MAP3K5: variants seen among roughly 807,000 people sequenced by gnomAD.
MAP3K5 encodes ASK-1.
A neutral mutation model predicts 158.7 loss-of-function variants in MAP3K5; 56 were observed. The ratio of observed to expected loss-of-function variants is 0.35; its 90% CI spans 0.28 to 0.44. The LOEUF is 0.44. MAP3K5 is among the 20% of genes least tolerant of loss of function. The pLI is 1.00. For synonymous variants in MAP3K5, 579 were observed against 601.7 expected, an observed-to-expected ratio of 0.96 and a Z score of 0.55; for missense variants, 1,294 against 1,674.8, an observed-to-expected ratio of 0.77 and a Z score of 3.97.
At position 136,729,577 on chromosome 6, in the gene MAP3K5, T is replaced by G. The variant is rs117892767; in HGVS notation, c.449-8988A>C. Among the ~76,000 whole-genome samples, 325 of 152,308 alleles carry G rather than the reference T, an allele frequency of 2.1e-3. 6 individuals are homozygous for G. In the South Asian group the frequency reaches 0.032, roughly 15 times the overall value. On this transcript the variant is annotated intron_variant, in intron 1 of 29. Transcript: ENST00000359015. ...AACTCAACACCTCCTGATAAAGCTT[T>G]GAGTAATTTCTCATAGAAATGATAT...
intron 1 of MAP3K5, among the ~76,000 whole-genome samples, chr6:136,755,018 A>C: frequency 6.7e-6 from 1 of 149,130 alleles, no homozygotes. Context: ...GAGTCCATTT[A>C]CTCCTCTCTA....
At chr6:136,564,660 C>T (rs972650719) in intron 26 of MAP3K5, among the ~76,000 whole-genome samples, 1 of 152,108 alleles carries the variant, frequency 6.6e-6, no homozygotes, top group Non-Finnish European at 1.5e-5. Flanking sequence ...AGAGTTTAAC[C>T]TATGTTTGTC....
At chr6:136,622,793 C>T (rs1276093640) in intron 15 of MAP3K5, 55 bp downstream of exon 15, 12 of 1,565,164 alleles carry the variant, frequency 7.7e-6, no homozygotes, top group Admixed American at 1.8e-5. Context: ...TTCTAAAATA[C>T]TGTCAACAAC....
intron 18 of MAP3K5, 46 bp downstream of exon 18, chr6:136,611,236 A>T (rs760300798): frequency 8.3e-7 from 1 of 1,200,374 alleles, no homozygotes; most frequent in Admixed American, 1.7e-5. Flanking sequence ...CTCAGCAATT[A>T]TTTCTTTAAT....
chr6:136,565,256 C>T (rs1265671797), intron 26 of MAP3K5, among the ~76,000 whole-genome samples: 1 of 152,098 alleles, frequency 6.6e-6, no homozygotes, highest in Admixed American at 6.5e-5. Flanking sequence ...TTTAGCAGGG[C>T]AATATTTTGA....
intron 26 of MAP3K5, among the ~76,000 whole-genome samples, chr6:136,565,776 C>T (rs1774078929): frequency 6.6e-6 from 1 of 152,184 alleles, no homozygotes; most frequent in African/African-American, 2.4e-5. Flanking sequence ...ACTAAAGCAG[C>T]TGTCCTTTCT....
chr6:136,558,002 C>T (rs765350140), intron 29 of MAP3K5, among the ~76,000 whole-genome samples, 184 bp from the exon 30 acceptor site: 1 of 152,216 alleles, frequency 6.6e-6, no homozygotes, highest in African/African-American at 2.4e-5. Flanking sequence ...TCCCTTTTCA[C>T]TCCCACAAAC....
At chr6:136,719,001 C>T (rs1781642376) in intron 2 of MAP3K5, among the ~76,000 whole-genome samples, 1 of 151,952 alleles carries the variant, frequency 6.6e-6, no homozygotes, top group African/African-American at 2.4e-5. Context: ...CATGGCAAAA[C>T]CCCATCTCTA....
chr6:136,733,361 C>T (rs1412456466), intron 1 of MAP3K5, among the ~76,000 whole-genome samples: 3 of 152,166 alleles, frequency 2.0e-5, no homozygotes, highest in Non-Finnish European at 4.4e-5. Context: ...CAAATACTGT[C>T]ACTGGGTTGT....
intron 7 of MAP3K5, among the ~76,000 whole-genome samples, chr6:136,672,414 T>C (rs1356407550): frequency 6.6e-6 from 1 of 152,194 alleles, no homozygotes; most frequent in East Asian, 1.9e-4. Flanking sequence ...AGGCTTGGGC[T>C]TGGCATGGGC....
intron 25 of MAP3K5, among the ~76,000 whole-genome samples, chr6:136,573,519 T>A (rs373803897): frequency 6.6e-6 from 1 of 152,216 alleles, no homozygotes; most frequent in Middle Eastern, 3.2e-3. Flanking sequence ...AACACATACA[T>A]GTAGTAAGAG....
chr6:136,668,514 A>G (rs1779326474), intron 8 of MAP3K5, among the ~76,000 whole-genome samples: 3 of 152,198 alleles, frequency 2.0e-5, no homozygotes, highest in Non-Finnish European at 2.9e-5. Context: ...AATTCCTAAA[A>G]GAGTTGGAAA....
At chr6:136,733,706 G>A (rs1023779315) in intron 1 of MAP3K5, among the ~76,000 whole-genome samples, 3 of 148,982 alleles carry the variant, frequency 2.0e-5, no homozygotes, top group African/African-American at 7.8e-5. Flanking sequence ...CCATATACCT[G>A]ATGCCCTCAC....
At chr6:136,756,270 A>T (rs565756650) in intron 1 of MAP3K5, among the ~76,000 whole-genome samples, 2 of 152,250 alleles carry the variant, frequency 1.3e-5, no homozygotes, top group Non-Finnish European at 2.9e-5. Flanking sequence ...GTGAGCTGAG[A>T]TGGTACCTCT....
At chr6:136,667,233 CTATT>C (rs1298317372) in intron 8 of MAP3K5, among the ~76,000 whole-genome samples, 1 of 151,994 alleles carries the variant, frequency 6.6e-6, no homozygotes, top group Non-Finnish European at 1.5e-5. Flanking sequence ...AAATATATAT[CTATT>C]GCATATCAAT....
intron 14 of MAP3K5, among the ~76,000 whole-genome samples, chr6:136,635,197 C>A (rs1473167623): frequency 6.6e-6 from 1 of 150,470 alleles, no homozygotes; most frequent in African/African-American, 2.4e-5. Context: ...CAGTCATCCC[C>A]TTCATAATTC....
intron 26 of MAP3K5, 128 bp downstream of exon 26, chr6:136,567,503 T>C (rs1774171097): frequency 2.1e-6 from 2 of 974,774 alleles, no homozygotes; most frequent in Non-Finnish European, 3.0e-6. Context: ...TCTCTTGTTT[T>C]ATAAAGAAAG....
chr6:136,652,541 G>T (rs537748656), intron 10 of MAP3K5, among the ~76,000 whole-genome samples: 1 of 152,244 alleles, frequency 6.6e-6, no homozygotes, highest in African/African-American at 2.4e-5. Flanking sequence ...TCATATCTGA[G>T]TATCGCAATG....
At chr6:136,788,712 A>G (rs1442878312) in intron 1 of MAP3K5, among the ~76,000 whole-genome samples, 1 of 152,234 alleles carries the variant, frequency 6.6e-6, no homozygotes. Flanking sequence ...AACATCTCAC[A>G]CCAGTCAGAA....
Sources: gnomAD v4.1 joint callset for allele counts (sites outside exome capture counted in the v4.1 genomes callset) on GRCh38, gnomAD v4.1.1 for gene constraint, MANE v1.5 for transcripts, NCBI Gene and HGNC (gene_info 2026-07-23, HGNC 2026-07-21) for gene names.